The following RALYL variants were observed in gnomAD, a reference collection of about 807,000 sequenced individuals.
RALYL encodes the protein RALY RNA binding protein like.
A neutral mutation model predicts 35.1 loss-of-function variants in RALYL; 29 were observed. That is an observed-to-expected ratio of 0.83 (90% CI 0.61 to 1.13). The LOEUF (loss-of-function observed/expected upper bound fraction) is 1.13. RALYL is among the 50% of genes most tolerant of loss of function. The pLI, the probability that RALYL is intolerant of heterozygous loss-of-function variation, is 0.00. For synonymous variants in RALYL, 120 were observed against 127.6 expected (o/e 0.94, Z 0.40); for missense variants, 359 against 360.4 (o/e 1.00, Z 0.03).
chr8:84,195,733 A>G (rs1486982950), intron 1 of RALYL, among the ~76,000 whole-genome samples: 1 of 152,180 alleles, frequency 6.6e-6, no homozygotes, highest in Non-Finnish European at 1.5e-5. Flanking sequence ...ATGACAGTGT[A>G]GAGAAGAGGT....
intron 1 of RALYL, chr8:84,184,736 G>C (rs1038659371): frequency 1.2e-5 from 5 of 414,460 alleles, no homozygotes; most frequent in African/African-American, 1.0e-4. Context: ...CGCCGGCCGG[G>C]CACTAGGCGG....
intron 1 of RALYL, among the ~76,000 whole-genome samples, chr8:84,454,234 T>C (rs711012): frequency 0.57 from 86,421 of 151,768 alleles, 24,673 homozygotes; most frequent in South Asian, 0.65. Flanking sequence ...GAGTCATATT[T>C]TAGAGATGTA....
intron 2 of RALYL, among the ~76,000 whole-genome samples, chr8:84,703,158 A>C (rs1840516227): frequency 6.6e-6 from 1 of 151,820 alleles, no homozygotes; most frequent in Non-Finnish European, 1.5e-5. Context: ...TCACCTGCCT[A>C]CCCTACTGCA....
intron 1 of RALYL, among the ~76,000 whole-genome samples, chr8:84,227,346 C>T (rs373109080): frequency 1.9e-4 from 27 of 144,160 alleles, no homozygotes; most frequent in Admixed American, 2.1e-4. Context: ...GCGTGAGCCA[C>T]CACGTCTGGC....
chr8:84,328,829 G>T (rs1470330422), intron 1 of RALYL, among the ~76,000 whole-genome samples: 1 of 152,104 alleles, frequency 6.6e-6, no homozygotes, highest in Admixed American at 6.6e-5. Context: ...CCAGTGTTTA[G>T]GTCCTACTTA....
At chr8:84,696,448 A>G (rs1839167810) in intron 2 of RALYL, among the ~76,000 whole-genome samples, 1 of 151,850 alleles carries the variant, frequency 6.6e-6, no homozygotes, top group Admixed American at 6.6e-5. Flanking sequence ...GTTTCTTTAA[A>G]TGGTCTTAGA....
At chr8:84,749,088 C>T (rs1045951000) in intron 2 of RALYL, among the ~76,000 whole-genome samples, 1 of 152,034 alleles carries the variant, frequency 6.6e-6, no homozygotes, top group East Asian at 1.9e-4. Flanking sequence ...AATTAAAGTA[C>T]TAAAGTGTTT....
intron 1 of RALYL, among the ~76,000 whole-genome samples, chr8:84,318,973 C>G (rs1052790611): frequency 2.0e-5 from 3 of 152,118 alleles, no homozygotes; most frequent in African/African-American, 7.2e-5. Context: ...ACATGGATAA[C>G]ACTGCTTTGC....
At chr8:84,498,465 T>C (rs1048806084) in intron 1 of RALYL, among the ~76,000 whole-genome samples, 1 of 152,164 alleles carries the variant, frequency 6.6e-6, no homozygotes, top group African/African-American at 2.4e-5. Context: ...AAGCTACTAA[T>C]GGATCTCCTT....
At chr8:84,654,673 A>G (rs371956715) in intron 2 of RALYL, among the ~76,000 whole-genome samples, 8 of 152,204 alleles carry the variant, frequency 5.3e-5, no homozygotes, top group African/African-American at 1.9e-4. Context: ...ATAAGTGAGG[A>G]CATACAACAT....
In RALYL at chr8:84,510,808, CAA is replaced by C. The variant is rs60199547; in HGVS notation, c.-23-18480_-23-18479del. Reference sequence around the variant, plus strand: ...CTGGGCAACAAGAGTGAAACTATCTCAAAAAAAAAAAACCATAATTGTATAAA... The same window carrying C: ...CTGGGCAACAAGAGTGAAACTATCTCAAAAAAAAAACCATAATTGTATAAA... On this transcript the variant is annotated intron_variant, in intron 1 of 8. Coordinates refer to ENST00000521268, the MANE Select transcript of RALYL (RefSeq NM_173848.7). 3.1e-3 allele frequency among the ~76,000 whole-genome samples: 424 copies of C among 137,310 alleles called. 1 individual carries two copies. The highest frequency in any genetic ancestry group is 0.011 in the African/African-American group (407 of 37,484). 90.1% of individuals were successfully genotyped at this position (137,310 alleles called of 152,430 possible). A position where few individuals can be genotyped will look rare whatever the true frequency, so the allele number is the denominator to read the frequency against.
chr8:84,858,958 C>T (rs900855832), intron 5 of RALYL, among the ~76,000 whole-genome samples: 3 of 152,130 alleles, frequency 2.0e-5, no homozygotes, highest in African/African-American at 7.2e-5. Flanking sequence ...CTCGTGTTAG[C>T]CCATGTTACT....
At position 84,278,769 on chromosome 8, in the gene RALYL, C is replaced by T. The variant is rs545844458; in HGVS notation, c.-24+94345C>T. On this transcript the variant is annotated intron_variant, in intron 1 of 8. Coordinates refer to ENST00000521268, the MANE Select transcript of RALYL (RefSeq NM_173848.7). Reference sequence around the variant, plus strand: ...CATCTCCACCTGAGACCACCTCAACCTGGACTTCATTGTCCATATCACTAT... The same window carrying T: ...CATCTCCACCTGAGACCACCTCAACTTGGACTTCATTGTCCATATCACTAT... Among the ~76,000 whole-genome samples the T allele has an allele frequency of 1.1e-3, 168 of 152,306 alleles. 1 individual carries two copies. In the South Asian group the frequency reaches 0.012, roughly 11 times the overall value.
rs79719220 is a variant in RALYL, at chr8:84,441,585, A to T, written c.-23-87714A>T. On this transcript the variant is annotated intron_variant, in intron 1 of 8. Coordinates refer to ENST00000521268, the MANE Select transcript of RALYL (RefSeq NM_173848.7). ...TGAGTTTGCTTTAAAGCCCTCAGGC[A>T]TGAACGATCATGTATTTACATCTGT... Among the ~76,000 whole-genome samples, 176 of 152,266 alleles carry T rather than the reference A, an allele frequency of 1.2e-3. No homozygotes were observed. The East Asian group carries it at 0.032, about 28-fold the overall frequency.
At chr8:84,717,398 A>G (rs768614966) in intron 2 of RALYL, among the ~76,000 whole-genome samples, 8 of 152,142 alleles carry the variant, frequency 5.3e-5, no homozygotes, top group Non-Finnish European at 1.0e-4. Flanking sequence ...TGATAATACT[A>G]TTTCTCTTAG....
At chr8:84,469,635 A>G (rs969971368) in intron 1 of RALYL, among the ~76,000 whole-genome samples, 8 of 152,312 alleles carry the variant, frequency 5.3e-5, no homozygotes, top group Non-Finnish European at 7.4e-5. Flanking sequence ...TACAGAGGAA[A>G]GCAGGCCTCC....
chr8:84,666,563 A>T lies in RALYL; in HGVS notation c.257-108016A>T, dbSNP rs540459937. On this transcript the variant is annotated intron_variant, in intron 2 of 8. Coordinates refer to ENST00000521268, the MANE Select transcript of RALYL (RefSeq NM_173848.7). ...TGCCAACTGAGGAGTTACAAAAAAT[A>T]CTGTTTCTGGGTTCCACTCAAAATC... is the stretch of plus-strand genomic sequence containing the variant. Among the ~76,000 whole-genome samples, 12 of 152,178 alleles carry T rather than the reference A, an allele frequency of 7.9e-5. No individual in the cohort carries two copies. The East Asian group carries it at 2.3e-3, about 29-fold the overall frequency.
chr8:84,355,670 G>C (rs1456478275), intron 1 of RALYL, among the ~76,000 whole-genome samples: 2 of 150,334 alleles, frequency 1.3e-5, no homozygotes, highest in African/African-American at 4.9e-5. Flanking sequence ...ATGATAGCAG[G>C]AAGTGCAGAT....
intron 6 of RALYL, among the ~76,000 whole-genome samples, chr8:84,870,661 G>C (rs1168981024): frequency 6.6e-6 from 1 of 151,946 alleles, no homozygotes; most frequent in Non-Finnish European, 1.5e-5. Flanking sequence ...CTGTGCAGGA[G>C]AGAAGTTGTT....
Sources: allele counts gnomAD v4.1 joint callset (sites outside exome capture counted in the v4.1 genomes callset), GRCh38; gene constraint gnomAD v4.1.1; transcripts MANE v1.5; gene names NCBI Gene and HGNC (gene_info 2026-07-23, HGNC 2026-07-21).